Variants in KNTC1 observed in about 807,000 individuals in gnomAD.
KNTC1 encodes kinetochore associated 1.
A neutral mutation model predicts 314.4 loss-of-function variants in KNTC1; 253 were observed. The observed-to-expected ratio is 0.80, with a 90% confidence interval of 0.73 to 0.89. The LOEUF is 0.89. Ranked by LOEUF, KNTC1 falls within the 40% of genes least tolerant of loss-of-function variation. The pLI is 0.00. For synonymous variants in KNTC1, 901 were observed against 901.4 expected (o/e 1.00, Z 0.01); for missense variants, 2,475 against 2,572.9 (o/e 0.96, Z 0.82).
intron 45 of KNTC1, chr12:122,602,360 TCTC>T: frequency 2.5e-6 from 1 of 397,288 alleles, no homozygotes; most frequent in Non-Finnish European, 4.4e-6. Context: ...ACCAGTGGTT[TCTC>T]CTCATAGGAT....
chr12:122,602,776 A>G lies in KNTC1; in HGVS notation c.4825+36A>G, dbSNP rs1300743167. 8.7e-6 allele frequency: 14 copies of G among 1,611,116 alleles called. No homozygotes were observed. In the East Asian group the frequency reaches 1.3e-4, roughly 15 times the overall value. ...ATTAACTTTTTATGAATTTTACTGG[A>G]TAGCCAAATTTTTTTTCTTAAGCAA... On this transcript the variant is annotated intron_variant, in intron 46 of 63. Coordinates refer to ENST00000333479, the MANE Select transcript of KNTC1 (RefSeq NM_014708.6).
intron 53 of KNTC1, 50 bp downstream of exon 53, chr12:122,610,950 A>AT: frequency 4.5e-6 from 6 of 1,337,430 alleles, no homozygotes; most frequent in South Asian, 1.2e-5. Context: ...TCAGCTTAAC[A>AT]TTTTTTTCCT....
chr12:122,602,304 A>C (rs1369884452), intron 45 of KNTC1: 1 of 280,400 alleles, frequency 3.6e-6, no homozygotes, highest in Non-Finnish European at 6.5e-6. Flanking sequence ...TGAAGAGCAG[A>C]TAACTGTCAA....
chr12:122,546,030 G>C, intron 8 of KNTC1, 146 bp from the exon 9 acceptor site: 3 of 627,658 alleles, frequency 4.8e-6, no homozygotes, highest in Non-Finnish European at 8.5e-6. Context: ...ACCAAGAGAG[G>C]AACTGGAAGA....
intron 20 of KNTC1, chr12:122,563,911 G>T (rs910090147): frequency 4.8e-5 from 45 of 928,076 alleles, no homozygotes; most frequent in Non-Finnish European, 6.5e-5. Context: ...AGGGCAGTGT[G>T]GCCTTACCTC....
At chr12:122,546,119 G>A (rs1313325334) in intron 8 of KNTC1, 57 bp from the exon 9 acceptor site, 4 of 979,408 alleles carry the variant, frequency 4.1e-6, no homozygotes, top group Non-Finnish European at 6.6e-6. Flanking sequence ...CTACTTTGAG[G>A]AAGGCTCAGG....
At chr12:122,624,527 C>T in intron 62 of KNTC1, 71 bp from the exon 63 acceptor site, 1 of 1,119,784 alleles carries the variant, frequency 8.9e-7, no homozygotes, top group South Asian at 1.4e-5. Flanking sequence ...CTTGGCCTCC[C>T]TGAGTGCCGG....
At chr12:122,621,833 A>G in intron 60 of KNTC1, 48 bp from the exon 61 acceptor site, 1 of 1,252,140 alleles carries the variant, frequency 8.0e-7, no homozygotes, top group Non-Finnish European at 1.1e-6. Context: ...TTGCTGTTGG[A>G]ATAAATAATA....
intron 53 of KNTC1, among the ~76,000 whole-genome samples, chr12:122,612,580 G>A (rs182496815): frequency 2.2e-4 from 33 of 151,424 alleles, no homozygotes; most frequent in African/African-American, 6.8e-4. Context: ...TACCACACCC[G>A]GCTAATTTTT....
In KNTC1 at chr12:122,544,136, CGTT is replaced by C. The variant is rs776752264; in HGVS notation, c.559-16_559-14del. The C allele has an allele frequency of 3.7e-5, 36 of 960,928 alleles. No homozygotes were observed. Among genetic ancestry groups the C allele is most frequent in the South Asian group, 1.3e-4 (9 of 67,956 alleles). 59.5% of individuals were successfully genotyped at this position (960,928 alleles called of 1,614,324 possible). A position where few individuals can be genotyped will look rare whatever the true frequency, so the allele number is the denominator to read the frequency against. On this transcript the variant is annotated intron_variant, in intron 7 of 63. Coordinates refer to ENST00000333479, the MANE Select transcript of KNTC1 (RefSeq NM_014708.6). The stretch of plus-strand genomic sequence containing the variant: ...GCATAAATATGTATTATATATATGA[CGTT>C]GTTGTTTTTAATTTTGCAGTTACAA...
chr12:122,566,624 G>A (rs1964360400), intron 20 of KNTC1, among the ~76,000 whole-genome samples: 1 of 151,842 alleles, frequency 6.6e-6, no homozygotes, highest in South Asian at 2.1e-4. Flanking sequence ...GGAGCAGACT[G>A]GTTTCAAACT....
chr12:122,584,239 G>T, intron 34 of KNTC1, 39 bp from the exon 35 acceptor site: 13 of 1,479,430 alleles, frequency 8.8e-6, no homozygotes, highest in Non-Finnish European at 1.2e-5. Flanking sequence ...CACTTTCAAT[G>T]TGAGTATTCT....
intron 22 of KNTC1, among the ~76,000 whole-genome samples, chr12:122,570,456 A>G (rs1385368690): frequency 6.6e-6 from 1 of 151,608 alleles, no homozygotes; most frequent in Non-Finnish European, 1.5e-5. Context: ...GTTGCAGTGA[A>G]CCGAGATCGT....
intron 6 of KNTC1, among the ~76,000 whole-genome samples, chr12:122,542,952 G>T (rs577055576): frequency 6.6e-6 from 1 of 151,768 alleles, no homozygotes; most frequent in Admixed American, 6.6e-5. Flanking sequence ...TTGCTCTGTC[G>T]CCCAGGCTGG....
intron 40 of KNTC1, 25 bp downstream of exon 40, chr12:122,588,841 TTTTG>T (rs773783544): frequency 1.4e-5 from 21 of 1,457,004 alleles, no homozygotes; most frequent in East Asian, 1.3e-4. Flanking sequence ...TGGGTAAAAA[TTTTG>T]TTTGTTTTTT....
At chr12:122,622,703 C>T (rs1874573111) in intron 62 of KNTC1, 96 bp downstream of exon 62, 2 of 1,017,494 alleles carry the variant, frequency 2.0e-6, no homozygotes, top group African/African-American at 1.7e-5. Context: ...AATCCTAGCA[C>T]TTTGGGAAGC....
intron 61 of KNTC1, 136 bp from the exon 62 acceptor site, chr12:122,622,326 G>C: frequency 1.3e-6 from 1 of 764,858 alleles, no homozygotes; most frequent in Admixed American, 3.1e-5. Flanking sequence ...CAGTCACAAT[G>C]CAGTGCTAAT....
chr12:122,582,506 C>G (rs953467152), intron 33 of KNTC1, among the ~76,000 whole-genome samples, 199 bp from the exon 34 acceptor site: 1 of 151,940 alleles, frequency 6.6e-6, no homozygotes, highest in Admixed American at 6.6e-5. Flanking sequence ...AACTACGCAT[C>G]AGGTACTATG....
Position 122,538,368 on chromosome 12 carries a change from C to G in KNTC1, c.280C>G (p.Gln94Glu), listed in dbSNP as rs776641631. ...TGAAGTGGATGTAGTTGGCCTTTGT[C>G]AAGAAGGAAAGTTTCTTTTGGTTGG... Reference protein sequence around the residue: ...DTEVDVVGLCQEGKFLLVGER... With the variant: ...DTEVDVVGLCEEGKFLLVGER... Residue 94 changes from glutamine to glutamate, a missense_variant, in exon 4 of 64, where the codon CAA becomes GAA. Gln to Glu is a conservative substitution (Grantham distance 29). Coordinates refer to ENST00000333479, the MANE Select transcript of KNTC1 (RefSeq NM_014708.6). The G allele has an allele frequency of 1.2e-6, 2 of 1,603,536 alleles. No individual in the cohort carries two copies. The highest frequency in any genetic ancestry group is 1.1e-5 in the South Asian group (1 of 88,654).
Sources: allele counts gnomAD v4.1 joint callset (sites outside exome capture counted in the v4.1 genomes callset), GRCh38; gene constraint gnomAD v4.1.1; transcripts MANE v1.5; gene names NCBI Gene and HGNC (gene_info 2026-07-23, HGNC 2026-07-21).